The following ANKRD36 variants were observed in gnomAD, a reference collection of about 807,000 sequenced individuals.
The protein encoded by ANKRD36 is ankyrin repeat domain-containing protein 36A.
A neutral mutation model predicts 278.1 loss-of-function variants in ANKRD36; 179 were observed. That is an observed-to-expected ratio of 0.64 (90% CI 0.57 to 0.73). The LOEUF (loss-of-function observed/expected upper bound fraction) is 0.73. ANKRD36 is among the 30% of genes least tolerant of loss of function. The probability of loss-of-function intolerance (pLI) is 0.00; values close to 1 mark genes in which losing one functional copy is unlikely to be tolerated. For synonymous variants in ANKRD36, 320 were observed against 641.1 expected, an observed-to-expected ratio of 0.50 and a Z score of 7.57; for missense variants, 1,159 against 1,956.7, an observed-to-expected ratio of 0.59 and a Z score of 7.69.
intron 30 of ANKRD36, among the ~76,000 whole-genome samples, chr2:97,186,749 C>T (rs1340380856): frequency 1.3e-5 from 2 of 151,852 alleles, no homozygotes; most frequent in Non-Finnish European, 1.5e-5. Context: ...TGTGTACCTT[C>T]TCAGTTACTG....
chr2:97,199,654 T>A (rs1185350984), intron 44 of ANKRD36, among the ~76,000 whole-genome samples: 1 of 151,944 alleles, frequency 6.6e-6, no homozygotes, highest in Non-Finnish European at 1.5e-5. Flanking sequence ...TTATTGAGGC[T>A]AATATATTAT....
chr2:97,181,380 C>G (rs1256907824), intron 24 of ANKRD36, among the ~76,000 whole-genome samples: 1 of 151,342 alleles, frequency 6.6e-6, no homozygotes, highest in African/African-American at 2.4e-5. Flanking sequence ...ACGAATCATA[C>G]CATGTTTGAA....
chr2:97,217,559 C>G (rs2066281402), intron 64 of ANKRD36, among the ~76,000 whole-genome samples, 187 bp downstream of exon 64: 1 of 152,074 alleles, frequency 6.6e-6, no homozygotes, highest in Non-Finnish European at 1.5e-5. Flanking sequence ...ATCTTAGTAA[C>G]AAGCTTATAG....
rs1575168003 is a variant in ANKRD36, at chr2:97,164,619, A to C, written c.1531+150A>C. 11 of 1,003,372 alleles carry C rather than the reference A, an allele frequency of 1.1e-5. No homozygotes were observed. In the East Asian group the frequency reaches 2.9e-4, roughly 26 times the overall value. 62.2% of individuals were successfully genotyped at this position (1,003,372 alleles called of 1,614,324 possible). A position where few individuals can be genotyped will look rare whatever the true frequency, so the allele number is the denominator to read the frequency against. ...GTTCTTGTTAATATCTTTGTTTATA[A>C]AATGATTTTTAAGGCATAAGGCGGA... On this transcript the variant is annotated intron_variant, in intron 20 of 75. Transcript: ENST00000420699.
At chr2:97,115,521 ACT>A (rs2035051698) in intron 1 of ANKRD36, among the ~76,000 whole-genome samples, 3 of 152,272 alleles carry the variant, frequency 2.0e-5, no homozygotes, top group African/African-American at 7.2e-5. Flanking sequence ...ATAAACAAGA[ACT>A]CTCATTTAAA....
At position 97,113,494 on chromosome 2, in the gene ANKRD36, C is replaced by G; in HGVS notation, c.-246C>G. 1.8e-6 allele frequency: 1 copy of G among 544,008 alleles called. No individual in the cohort carries two copies. Among genetic ancestry groups the G allele is most frequent in the Non-Finnish European group, 3.2e-6 (1 of 316,836 alleles). The allele number at this position is 544,008 out of a possible 1,614,324, so 33.7% of individuals were successfully genotyped here. On this transcript the variant is annotated 5_prime_UTR_variant, in exon 1 of 76. Transcript: ENST00000420699. ...ACCTCCGCAGCAACCGCCGCCTGCACTGGGCGCGCGAGAGCTGCTAGGGCG... is the reference window on the plus strand; with the variant it reads ...ACCTCCGCAGCAACCGCCGCCTGCAGTGGGCGCGCGAGAGCTGCTAGGGCG...
intron 6 of ANKRD36, among the ~76,000 whole-genome samples, chr2:97,138,653 T>A (rs561537201): frequency 1.3e-5 from 2 of 151,916 alleles, no homozygotes; most frequent in Non-Finnish European, 2.9e-5. Flanking sequence ...AAAGAACAAA[T>A]TTTGAGGCAT....
chr2:97,193,719 A>C (rs2153572376), intron 38 of ANKRD36, among the ~76,000 whole-genome samples: 1 of 151,790 alleles, frequency 6.6e-6, no homozygotes, highest in South Asian at 2.1e-4. Flanking sequence ...TGTTACTATT[A>C]GGCATCAGAG....
Position 97,113,702 on chromosome 2 carries a change from G to A in ANKRD36, c.-38G>A, listed in dbSNP as rs1193500906. 4 of 1,611,176 alleles carry A rather than the reference G, an allele frequency of 2.5e-6. No individual in the cohort carries two copies. In the African/African-American group the frequency reaches 5.3e-5, roughly 22 times the overall value. ...AGGCGGCGATCCCCGAAGGCGAGCT[G>A]AAATACGGCTGCAGGCTACAATTTG... On this transcript the variant is annotated 5_prime_UTR_variant, in exon 1 of 76. Transcript: ENST00000420699.
rs2055624060 is a variant in ANKRD36, at chr2:97,179,898, C to T, written c.1700C>T (p.Ala567Val). The change falls in exon 24 of 76, where the codon GCC becomes GTC. Residue 567 changes from alanine (A) to valine (V), a missense_variant. Ala to Val is a moderately conservative substitution (Grantham distance 64, BLOSUM62 0). Coordinates refer to ENST00000420699, the MANE Select transcript of ANKRD36 (RefSeq NM_001354587.1). ...SDDKDSVSNI[A>V]TEIKEGPISG... ...GACAAAGATTCTGTTTCAAATATAG[C>T]CACAGAAATAAAGGAGGGACCAATA... The T allele has an allele frequency of 1.9e-6, 3 of 1,605,636 alleles. No homozygotes were observed. Among genetic ancestry groups the T allele is most frequent in the African/African-American group, 2.7e-5 (2 of 74,694 alleles).
chr2:97,139,719 G>A (rs1190920699), intron 6 of ANKRD36, among the ~76,000 whole-genome samples: 5 of 152,108 alleles, frequency 3.3e-5, no homozygotes, highest in African/African-American at 1.2e-4. Flanking sequence ...TCCCATGGCT[G>A]TGTTGATTGC....
chr2:97,188,276 C>A lies in ANKRD36; in HGVS notation c.2144-811C>A, dbSNP rs142327201. On this transcript the variant is annotated intron_variant, in intron 32 of 75. Transcript: ENST00000420699. ...AAATTATGTTGAATTCTAATTAACT[C>A]CTAAAATGGTAATTTTCAATGAATA... Among the ~76,000 whole-genome samples the A allele has an allele frequency of 4.3e-3, 652 of 151,586 alleles. 31 individuals carry two copies. The East Asian group carries it at 0.061, about 14-fold the overall frequency.
At chr2:97,137,592 TACACAC>T (rs35336868) in intron 6 of ANKRD36, among the ~76,000 whole-genome samples, 1 of 150,570 alleles carries the variant, frequency 6.6e-6, no homozygotes, top group Non-Finnish European at 1.5e-5. Context: ...TATATATATA[TACACAC>T]ACACACACAC....
At position 97,217,174 on chromosome 2, in the gene ANKRD36, C is replaced by T. The variant is rs1330875657; in HGVS notation, c.3674-3C>T. 2 of 1,547,298 alleles carry T rather than the reference C, an allele frequency of 1.3e-6. No homozygotes were observed. The highest frequency in any genetic ancestry group is 1.4e-5 in the African/African-American group (1 of 72,830). On this transcript the variant is annotated splice_polypyrimidine_tract_variant and splice_region_variant and intron_variant, in intron 62 of 75. Transcript: ENST00000420699. ...TGAATTATATATTTCTTTTACTTTTCAGTGTCTCCTCAGAAACAATCGGCC... is the reference window on the plus strand; with the variant it reads ...TGAATTATATATTTCTTTTACTTTTTAGTGTCTCCTCAGAAACAATCGGCC...
At chr2:97,226,326 G>A (rs1558928113) in intron 67 of ANKRD36, among the ~76,000 whole-genome samples, 1 of 152,022 alleles carries the variant, frequency 6.6e-6, no homozygotes, top group African/African-American at 2.4e-5. Flanking sequence ...CCTAACTGGT[G>A]TGAGATGGTA....
chr2:97,155,893 CT>C lies in ANKRD36; in HGVS notation c.1260+1160del, dbSNP rs1305962872. ...GTGAATCAACAAACAGGGAAATGGG[CT>C]TTTTTTTAATGGACTGTTACAGGTA... On this transcript the variant is annotated intron_variant, in intron 15 of 75. Transcript: ENST00000420699. 2.5e-4 allele frequency among the ~76,000 whole-genome samples: 36 copies of C among 145,524 alleles called. 1 individual carries two copies. Among genetic ancestry groups the C allele is most frequent in the African/African-American group, 8.8e-4 (36 of 41,002 alleles).
intron 62 of ANKRD36, among the ~76,000 whole-genome samples, chr2:97,216,044 A>G (rs528086764): frequency 3.9e-5 from 6 of 151,924 alleles, no homozygotes; most frequent in African/African-American, 1.4e-4. Context: ...AACTCACTTC[A>G]GATAAATTTG....
rs543685717 is a variant in ANKRD36, at chr2:97,225,484, T to C, written c.3951+605T>C. On this transcript the variant is annotated intron_variant, in intron 67 of 75. Coordinates refer to ENST00000420699, the MANE Select transcript of ANKRD36 (RefSeq NM_001354587.1). ...AATGTATTTCAATATAGAAAATCTCTAAATATTGTTAAATTTATTAAATCC... is the reference window on the plus strand; with the variant it reads ...AATGTATTTCAATATAGAAAATCTCCAAATATTGTTAAATTTATTAAATCC... Among the ~76,000 whole-genome samples, 24 of 152,120 alleles carry C rather than the reference T, an allele frequency of 1.6e-4. No individual in the cohort carries two copies. The East Asian group carries it at 4.7e-3, about 30-fold the overall frequency.
chr2:97,181,762 A>T lies in ANKRD36; in HGVS notation c.1806A>T (p.Thr602=). 1 of 1,609,638 alleles carries T rather than the reference A, an allele frequency of 6.2e-7. No individual in the cohort carries two copies. Among genetic ancestry groups the T allele is most frequent in the South Asian group, 1.1e-5 (1 of 90,862 alleles). Residue 602 remains threonine, a synonymous_variant, in exon 26 of 76, where the codon ACA becomes ACT. Transcript: ENST00000420699. ...AAGATTCTGTTTCAAATATAGCCAC[A>T]GAAATAAAGAAGGGACAACAATCTG... ...DEKDSVSNIA[T]EIKKGQQSGT...
Sources: gnomAD v4.1 joint callset for allele counts (sites outside exome capture counted in the v4.1 genomes callset) on GRCh38, gnomAD v4.1.1 for gene constraint, MANE v1.5 for transcripts, NCBI Gene and HGNC (gene_info 2026-07-23, HGNC 2026-07-21) for gene names.